ADAMTSL1: variants seen among roughly 807,000 people sequenced by gnomAD.
ADAMTSL1 encodes ADAMTS-like protein 1.
A neutral mutation model predicts 201.8 loss-of-function variants in ADAMTSL1; 126 were observed. That is an observed-to-expected ratio of 0.62 (90% CI 0.54 to 0.72). ADAMTSL1 has a LOEUF of 0.72. ADAMTSL1 is among the 30% of genes least tolerant of loss of function. ADAMTSL1 has a pLI of 0.00. For synonymous variants in ADAMTSL1, 1,121 were observed against 903.4 expected, an observed-to-expected ratio of 1.24 and a Z score of -4.32; for missense variants, 2,679 against 2,277.8, an observed-to-expected ratio of 1.18 and a Z score of -3.59.
At chr9:18,623,466 T>G (rs1220978020) in intron 5 of ADAMTSL1, among the ~76,000 whole-genome samples, 1 of 152,078 alleles carries the variant, frequency 6.6e-6, no homozygotes, top group Non-Finnish European at 1.5e-5. Context: ...CCTAAGCACT[T>G]ACTTGTTTCT....
intron 1 of ADAMTSL1, among the ~76,000 whole-genome samples, chr9:17,968,866 T>C (rs1272372806): frequency 6.6e-6 from 1 of 152,152 alleles, no homozygotes; most frequent in Non-Finnish European, 1.5e-5. Context: ...GGTATCTAAC[T>C]GCCTCAATGA....
rs536289126 is a variant in ADAMTSL1, at chr9:18,500,959, T to C, written c.64-3870T>C. Among the ~76,000 whole-genome samples, 24 of 152,336 alleles carry C rather than the reference T, an allele frequency of 1.6e-4. No homozygotes were observed. The South Asian group carries it at 4.8e-3, about 30-fold the overall frequency. On this transcript the variant is annotated intron_variant, in intron 1 of 28. Coordinates refer to ENST00000380548, the MANE Select transcript of ADAMTSL1 (RefSeq NM_001040272.6). Reference sequence around the variant, plus strand: ...ATAATCTTTTGATCACTATGTTCAATAGCATCCATAACCTTCCTTTTGAGA... The same window carrying C: ...ATAATCTTTTGATCACTATGTTCAACAGCATCCATAACCTTCCTTTTGAGA...
At chr9:18,834,771 C>T (rs1379514594) in intron 23 of ADAMTSL1, among the ~76,000 whole-genome samples, 1 of 152,144 alleles carries the variant, frequency 6.6e-6, no homozygotes, top group Non-Finnish European at 1.5e-5. Context: ...AGAATAATTA[C>T]TTTGACATTC....
intron 1 of ADAMTSL1, among the ~76,000 whole-genome samples, chr9:18,482,533 G>A (rs1023286489): frequency 3.3e-5 from 5 of 152,200 alleles, no homozygotes; most frequent in South Asian, 2.1e-4. Flanking sequence ...TGAAAAGAGC[G>A]TGATAACCTA....
At chr9:18,242,193 A>G (rs1337534212) in intron 2 of ADAMTSL1, among the ~76,000 whole-genome samples, 2 of 152,202 alleles carry the variant, frequency 1.3e-5, no homozygotes, top group Non-Finnish European at 2.9e-5. Flanking sequence ...CTGACATGCA[A>G]GGCTGGTTTA....
chr9:18,158,884 C>A, intron 1 of ADAMTSL1, among the ~76,000 whole-genome samples: 1 of 151,914 alleles, frequency 6.6e-6, no homozygotes, highest in East Asian at 1.9e-4. Flanking sequence ...GGTGGCAGGA[C>A]TAGATTTGGG....
At chr9:18,689,346 A>G (rs960419931) in intron 13 of ADAMTSL1, among the ~76,000 whole-genome samples, 5 of 152,206 alleles carry the variant, frequency 3.3e-5, no homozygotes, top group African/African-American at 9.6e-5. Flanking sequence ...TACAATGATG[A>G]TCCCTAGGAC....
At chr9:17,990,466 A>G (rs1356358445) in intron 1 of ADAMTSL1, among the ~76,000 whole-genome samples, 1 of 152,044 alleles carries the variant, frequency 6.6e-6, no homozygotes, top group African/African-American at 2.4e-5. Context: ...GTGGCCATGA[A>G]CTATTACTCC....
intron 23 of ADAMTSL1, among the ~76,000 whole-genome samples, chr9:18,876,523 C>A (rs1828172371): frequency 6.6e-6 from 1 of 152,074 alleles, no homozygotes; most frequent in Admixed American, 6.5e-5. Flanking sequence ...CTTAGTTTCA[C>A]TGGATACAAA....
At chr9:18,622,962 C>G (rs753433978) in intron 5 of ADAMTSL1, among the ~76,000 whole-genome samples, 2 of 152,204 alleles carry the variant, frequency 1.3e-5, no homozygotes, top group Admixed American at 6.5e-5. Context: ...ATGGGGCAAT[C>G]TCAGCTCACT....
intron 2 of ADAMTSL1, among the ~76,000 whole-genome samples, chr9:18,173,550 C>G (rs1267222076): frequency 6.6e-6 from 1 of 152,082 alleles, no homozygotes; most frequent in Non-Finnish European, 1.5e-5. Context: ...GCTTACACAG[C>G]CCCTATCTTT....
chr9:18,473,526 A>G (rs1321666661), upstream of ADAMTSL1, among the ~76,000 whole-genome samples: 1 of 152,160 alleles, frequency 6.6e-6, no homozygotes, highest in Non-Finnish European at 1.5e-5. Context: ...AACTTATGCC[A>G]CTGTTTAGGC....
At chr9:18,629,242 T>A (rs182970585) in intron 5 of ADAMTSL1, among the ~76,000 whole-genome samples, 215 of 152,272 alleles carry the variant, frequency 1.4e-3, no homozygotes, top group African/African-American at 5.0e-3. Flanking sequence ...CCACTTTTTT[T>A]TTTGTAGTCT....
chr9:18,467,734 G>C (rs944121826), intron 2 of ADAMTSL1, among the ~76,000 whole-genome samples: 1 of 152,158 alleles, frequency 6.6e-6, no homozygotes, highest in Non-Finnish European at 1.5e-5. Flanking sequence ...AGTAGTCAAA[G>C]GACTTGAAGT....
At chr9:18,742,100 C>G (rs1212787533) in intron 15 of ADAMTSL1, among the ~76,000 whole-genome samples, 1 of 152,158 alleles carries the variant, frequency 6.6e-6, no homozygotes, top group Admixed American at 6.5e-5. Context: ...CATAAGGATA[C>G]CATTCCTATT....
At chr9:18,849,470 G>C (rs1419792207) in intron 23 of ADAMTSL1, among the ~76,000 whole-genome samples, 1 of 152,152 alleles carries the variant, frequency 6.6e-6, no homozygotes, top group East Asian at 1.9e-4. Context: ...GGAAGACTAA[G>C]GGCATCACTA....
At chr9:18,074,086 G>C (rs148945921) in intron 1 of ADAMTSL1, among the ~76,000 whole-genome samples, 2 of 152,026 alleles carry the variant, frequency 1.3e-5, no homozygotes, top group Admixed American at 6.6e-5. Context: ...GAGCATCTAA[G>C]AACTCCTTAC....
intron 1 of ADAMTSL1, among the ~76,000 whole-genome samples, chr9:17,958,296 G>A (rs1017255407): frequency 2.0e-5 from 3 of 152,166 alleles, no homozygotes; most frequent in African/African-American, 7.2e-5. Flanking sequence ...AATAAATGAT[G>A]TTATAATGTG....
intron 19 of ADAMTSL1, among the ~76,000 whole-genome samples, chr9:18,778,108 G>A (rs1220363916): frequency 6.6e-6 from 1 of 152,220 alleles, no homozygotes; most frequent in South Asian, 2.1e-4. Context: ...TTTCTAAACT[G>A]TCTGTTCTCA....
Sources: gnomAD v4.1 joint callset for allele counts (sites outside exome capture counted in the v4.1 genomes callset) on GRCh38, gnomAD v4.1.1 for gene constraint, MANE v1.5 for transcripts, NCBI Gene and HGNC (gene_info 2026-07-23, HGNC 2026-07-21) for gene names.